ARHGEF33: variants seen among roughly 807,000 people sequenced by gnomAD.
The protein encoded by ARHGEF33 is DH and coiled-coil domain-containing protein ENSP00000381780.
ARHGEF33 carries 72 observed loss-of-function variants against 101.9 expected under a neutral mutation model. That is an observed-to-expected ratio of 0.71 (90% CI 0.58 to 0.86). The LOEUF (loss-of-function observed/expected upper bound fraction) is 0.86. Among genes scored for constraint, ARHGEF33 ranks in the 40% least tolerant of loss-of-function variants. The pLI is 0.00. For synonymous variants in ARHGEF33, 499 were observed against 442.5 expected (o/e 1.13, Z -1.60); for missense variants, 1,169 against 1,111.3 (o/e 1.05, Z -0.74).
chr2:38,918,992 G>A (rs1040707354), intron 2 of ARHGEF33, among the ~76,000 whole-genome samples: 3 of 152,120 alleles, frequency 2.0e-5, no homozygotes, highest in Admixed American at 1.3e-4. Flanking sequence ...GCGGCAGTGA[G>A]CCATGACTGC....
intron 12 of ARHGEF33, among the ~76,000 whole-genome samples, chr2:38,954,059 T>TA (rs1349284378): frequency 6.6e-6 from 1 of 152,250 alleles, no homozygotes; most frequent in African/African-American, 2.4e-5. Flanking sequence ...CTTAATGAAT[T>TA]AATTCAGCTA....
At chr2:38,924,242 A>T (rs1666820444) in intron 4 of ARHGEF33, among the ~76,000 whole-genome samples, 1 of 152,222 alleles carries the variant, frequency 6.6e-6, no homozygotes, top group African/African-American at 2.4e-5. Context: ...ATTAGCAAAT[A>T]ATAATTAATA....
At chr2:38,895,084 C>T (rs1666090848) in intron 1 of ARHGEF33, among the ~76,000 whole-genome samples, 1 of 152,160 alleles carries the variant, frequency 6.6e-6, no homozygotes, top group Non-Finnish European at 1.5e-5. Flanking sequence ...TCCCTAAACT[C>T]TATGTCCCAG....
chr2:38,931,151 C>A lies in ARHGEF33; in HGVS notation c.405C>A (p.Ala135=). Residue 135 remains alanine, a synonymous_variant, in exon 7 of 18, where the codon GCC becomes GCA. Coordinates refer to ENST00000409978, the MANE Select transcript of ARHGEF33 (RefSeq NM_001145451.5). ...AGCACAGCTCACAGGCCGGGCCTGC[C>A]CAAGCACAAGGAAGTCCTTTTCGTT... ...KEEHSSQAGP[A]QAQGSPFRSI... is the part of the protein sequence containing the mutation. 6.4e-7 allele frequency: 1 copy of A among 1,551,570 alleles called. No individual in the cohort carries two copies. The highest frequency in any genetic ancestry group is 1.2e-5 in the South Asian group (1 of 84,050).
intron 2 of ARHGEF33, among the ~76,000 whole-genome samples, chr2:38,906,966 C>G (rs937015040): frequency 6.6e-6 from 1 of 151,902 alleles, no homozygotes; most frequent in Non-Finnish European, 1.5e-5. Flanking sequence ...AAAGATGATC[C>G]TTGGTTTAGG....
chr2:38,960,453 GC>G lies in ARHGEF33; in HGVS notation c.2150del (p.Pro717GlnfsTer63). ...CTCTCAAAGAGTTCCCGCGTGCGCCGCCAGCCGACGGCGTGGCCCCACGCCT... is the reference window on the plus strand; with the variant it reads ...CTCTCAAAGAGTTCCCGCGTGCGCCGCAGCCGACGGCGTGGCCCCACGCCT... ...RSLKEFPRAP[P>X]ADGVAPRLYS... is the part of the protein sequence containing the mutation. On this transcript the variant is annotated frameshift_variant, in exon 16 of 18. Transcript: ENST00000409978. LOFTEE classifies it high-confidence loss of function. The G allele has an allele frequency of 6.7e-7, 1 of 1,493,456 alleles. No individual in the cohort carries two copies. The highest frequency in any genetic ancestry group is 8.9e-7 in the Non-Finnish European group (1 of 1,128,180). The allele number at this position is 1,493,456 out of a possible 1,614,324, so 92.5% of individuals were successfully genotyped here. A position where few individuals can be genotyped will look rare whatever the true frequency, so the allele number is the denominator to read the frequency against.
intron 16 of ARHGEF33, among the ~76,000 whole-genome samples, chr2:38,961,101 T>C (rs1389036903): frequency 1.3e-5 from 2 of 152,148 alleles, no homozygotes; most frequent in Non-Finnish European, 2.9e-5. Context: ...ATGTTGAGAA[T>C]ATGGAACACG....
At chr2:38,945,070 T>C (rs917347295) in intron 10 of ARHGEF33, among the ~76,000 whole-genome samples, 6 of 152,178 alleles carry the variant, frequency 3.9e-5, no homozygotes, top group African/African-American at 1.4e-4. Context: ...AATGAATATA[T>C]AATAATCCAG....
intron 2 of ARHGEF33, among the ~76,000 whole-genome samples, chr2:38,908,297 A>G (rs1379881168): frequency 6.6e-6 from 1 of 152,198 alleles, no homozygotes; most frequent in East Asian, 1.9e-4. Context: ...CACAGAGGCC[A>G]TGAGACATTC....
chr2:38,946,834 C>T (rs1449257193), intron 10 of ARHGEF33, among the ~76,000 whole-genome samples: 1 of 152,126 alleles, frequency 6.6e-6, no homozygotes, highest in Non-Finnish European at 1.5e-5. Context: ...CCATTTTGGT[C>T]AGGCTGGTCT....
intron 2 of ARHGEF33, among the ~76,000 whole-genome samples, chr2:38,911,988 C>G (rs1010234314): frequency 6.6e-6 from 1 of 152,220 alleles, no homozygotes; most frequent in East Asian, 1.9e-4. Flanking sequence ...AGAACCCTAC[C>G]AGCTTGGTGG....
At chr2:38,924,442 A>C (rs1358306900) in intron 4 of ARHGEF33, among the ~76,000 whole-genome samples, 1 of 152,146 alleles carries the variant, frequency 6.6e-6, no homozygotes, top group Non-Finnish European at 1.5e-5. Flanking sequence ...GATTATTAAA[A>C]TTATGATCCC....
At chr2:38,967,540 C>T (rs1331220365) in intron 17 of ARHGEF33, among the ~76,000 whole-genome samples, 1 of 152,092 alleles carries the variant, frequency 6.6e-6, no homozygotes, top group Non-Finnish European at 1.5e-5. Flanking sequence ...GTGGGAGAAC[C>T]TGGAAACAGA....
chr2:38,964,519 C>G (rs919568349), intron 16 of ARHGEF33, among the ~76,000 whole-genome samples: 6 of 151,356 alleles, frequency 4.0e-5, no homozygotes, highest in Non-Finnish European at 8.8e-5. Flanking sequence ...AGCTCCACCT[C>G]AGATCATCAG....
chr2:38,921,479 A>C (rs900224485), intron 4 of ARHGEF33, 56 bp downstream of exon 4: 7 of 1,150,666 alleles, frequency 6.1e-6, no homozygotes, highest in African/African-American at 3.1e-5. Context: ...ATGACTGACT[A>C]TTCTTTATGT....
intron 17 of ARHGEF33, among the ~76,000 whole-genome samples, chr2:38,967,939 T>A (rs1475768046): frequency 7.7e-6 from 1 of 130,480 alleles, no homozygotes; most frequent in Non-Finnish European, 1.6e-5. Context: ...AGCCTATCTT[T>A]TTTTTTTTTT....
At chr2:38,921,456 A>G in intron 4 of ARHGEF33, 33 bp downstream of exon 4, 2 of 1,411,490 alleles carry the variant, frequency 1.4e-6, no homozygotes, top group Non-Finnish European at 2.0e-6. Context: ...AAATGCTCCC[A>G]TGTATAATAG....
chr2:38,947,523 A>G (rs1175191465), intron 10 of ARHGEF33, among the ~76,000 whole-genome samples: 1 of 152,166 alleles, frequency 6.6e-6, no homozygotes, highest in Non-Finnish European at 1.5e-5. Flanking sequence ...CCCAGCTGGG[A>G]TTACAGGCAT....
At chr2:38,961,453 T>C (rs1667937910) in intron 16 of ARHGEF33, among the ~76,000 whole-genome samples, 1 of 152,156 alleles carries the variant, frequency 6.6e-6, no homozygotes. Context: ...TAAATACTTA[T>C]CCATGAAGTG....
Sources: allele counts gnomAD v4.1 joint callset (sites outside exome capture counted in the v4.1 genomes callset), GRCh38; gene constraint gnomAD v4.1.1; transcripts MANE v1.5; gene names NCBI Gene and HGNC (gene_info 2026-07-23, HGNC 2026-07-21).